Variants in SH3KBP1 observed in about 807,000 individuals in gnomAD.
The protein encoded by SH3KBP1 is SH3 domain-containing kinase-binding protein 1.
Under a neutral mutation model 50.1 loss-of-function variants are expected in SH3KBP1, and 8 were observed. The ratio of observed to expected loss-of-function variants is 0.16; its 90% CI spans 0.09 to 0.29. The LOEUF (loss-of-function observed/expected upper bound fraction) is 0.29, where lower values mean the gene tolerates loss of function less well. Ranked by LOEUF, SH3KBP1 falls within the 10% of genes least tolerant of loss-of-function variation. The pLI is 1.00. For synonymous variants in SH3KBP1, 227 were observed against 218.6 expected, an observed-to-expected ratio of 1.04 and a Z score of -0.34; for missense variants, 377 against 535.2, an observed-to-expected ratio of 0.70 and a Z score of 2.92.
chrX:19,692,402 C>A (rs1319879296), intron 5 of SH3KBP1, among the ~76,000 whole-genome samples: 1 of 110,281 alleles, frequency 9.1e-6, no homozygotes, highest in Non-Finnish European at 1.9e-5. Context: ...AAACACCTAC[C>A]ATGTGTCAAG....
chrX:19,646,487 C>T (rs922022434), intron 6 of SH3KBP1, among the ~76,000 whole-genome samples: 3 of 111,997 alleles, frequency 2.7e-5, no homozygotes, highest in African/African-American at 6.5e-5. Flanking sequence ...ACAGCTGTCA[C>T]GACCACGTAG....
chrX:19,667,124 C>A (rs904729290), intron 6 of SH3KBP1, among the ~76,000 whole-genome samples: 46 of 112,013 alleles, frequency 4.1e-4, no homozygotes, highest in African/African-American at 1.4e-3. Flanking sequence ...CCCCACGAAT[C>A]CACATATGTG....
At chrX:19,778,800 C>T (rs901385872) in intron 2 of SH3KBP1, among the ~76,000 whole-genome samples, 3 of 109,945 alleles carry the variant, frequency 2.7e-5, no homozygotes, top group East Asian at 2.9e-4. Context: ...AGGGCAGAAC[C>T]GACTAGTGGA....
intron 14 of SH3KBP1, among the ~76,000 whole-genome samples, chrX:19,549,357 A>C (rs73631347): frequency 0.05 from 5,557 of 112,054 alleles, 356 homozygotes; most frequent in African/African-American, 0.17. Context: ...TGTAGTTCAA[A>C]TTTGGTACAA....
intron 3 of SH3KBP1, among the ~76,000 whole-genome samples, chrX:19,713,462 A>G (rs1394806615): frequency 2.8e-5 from 3 of 107,248 alleles, no homozygotes; most frequent in Non-Finnish European, 3.8e-5. Flanking sequence ...GGGTCTCGCT[A>G]TGTTGCTTAG....
intron 2 of SH3KBP1, among the ~76,000 whole-genome samples, chrX:19,796,831 CAG>C (rs1387203536): frequency 1.8e-5 from 2 of 112,197 alleles, no homozygotes; most frequent in African/African-American, 3.2e-5. Flanking sequence ...CTGGCCAAGA[CAG>C]AGAAATAGTG....
intron 6 of SH3KBP1, among the ~76,000 whole-genome samples, chrX:19,662,469 A>G (rs944879637): frequency 8.9e-6 from 1 of 112,149 alleles, no homozygotes. Context: ...CAGTATTTGA[A>G]GAAGTATTGA....
At chrX:19,713,977 T>C (rs1016330103) in intron 3 of SH3KBP1, among the ~76,000 whole-genome samples, 26 of 112,154 alleles carry the variant, frequency 2.3e-4, no homozygotes, top group Non-Finnish European at 4.7e-4. Flanking sequence ...GAAACTGTGG[T>C]ACATATACCC....
chrX:19,603,254 C>A (rs1038529604), intron 9 of SH3KBP1, among the ~76,000 whole-genome samples: 4 of 112,298 alleles, frequency 3.6e-5, no homozygotes, highest in African/African-American at 1.3e-4. Flanking sequence ...CAACAAACTC[C>A]TCTTGTTTTG....
intron 2 of SH3KBP1, among the ~76,000 whole-genome samples, chrX:19,754,957 T>C (rs188208001): frequency 5.6e-4 from 63 of 112,713 alleles, no homozygotes; most frequent in Non-Finnish European, 8.1e-4. Context: ...AATTTACTCA[T>C]TTAAAAACTA....
At chrX:19,770,919 C>T (rs906370674) in intron 2 of SH3KBP1, among the ~76,000 whole-genome samples, 3 of 111,558 alleles carry the variant, frequency 2.7e-5, no homozygotes, top group South Asian at 3.7e-4. Flanking sequence ...GTTCCTTACA[C>T]GTGCTGAATA....
At chrX:19,659,702 A>G (rs1316730990) in intron 6 of SH3KBP1, among the ~76,000 whole-genome samples, 1 of 112,903 alleles carries the variant, frequency 8.9e-6, no homozygotes. Flanking sequence ...TTAGTAAGAC[A>G]TATTCAACAA....
At chrX:19,563,466 G>C (rs188323441) in intron 13 of SH3KBP1, among the ~76,000 whole-genome samples, 1 of 111,986 alleles carries the variant, frequency 8.9e-6, no homozygotes, top group Non-Finnish European at 1.9e-5. Flanking sequence ...CTGTAAGTTC[G>C]AGGAAGGAAC....
At position 19,792,766 on chromosome X, in the gene SH3KBP1, G is replaced by A. The variant is rs944754782; in HGVS notation, c.162+43359C>T. ...CGCTTTCCTTTGTTGTCACGACTTG[G>A]AGGGATCTGGCGGGGGCGGGGGGTG... On this transcript the variant is annotated intron_variant, in intron 2 of 17. Coordinates refer to ENST00000397821, the MANE Select transcript of SH3KBP1 (RefSeq NM_031892.3). Among the ~76,000 whole-genome samples the A allele has an allele frequency of 3.3e-5, 3 of 89,758 alleles. No homozygotes were observed. In the Admixed American group the frequency reaches 3.7e-4, roughly 11 times the overall value. The allele number at this position is 89,758 out of a possible 115,157, so 77.9% of individuals were successfully genotyped here.
At chrX:19,796,792 A>T (rs1171872408) in intron 2 of SH3KBP1, among the ~76,000 whole-genome samples, 3 of 112,362 alleles carry the variant, frequency 2.7e-5, no homozygotes, top group Non-Finnish European at 5.6e-5. Flanking sequence ...TGCTTAAAAC[A>T]GAGGGTTATC....
At chrX:19,884,147 G>T (rs923610586) in intron 1 of SH3KBP1, among the ~76,000 whole-genome samples, 5 of 112,241 alleles carry the variant, frequency 4.5e-5, no homozygotes, top group Non-Finnish European at 9.4e-5. Context: ...CACTCTCCAG[G>T]CTAAGTCAGA....
intron 4 of SH3KBP1, among the ~76,000 whole-genome samples, chrX:19,703,976 G>A (rs1225740312): frequency 9.1e-6 from 1 of 109,918 alleles, no homozygotes; most frequent in African/African-American, 3.3e-5. Context: ...GCTACATTTA[G>A]CATTTATATA....
chrX:19,662,084 T>C (rs767233322), intron 6 of SH3KBP1, among the ~76,000 whole-genome samples: 1 of 111,895 alleles, frequency 8.9e-6, no homozygotes, highest in Non-Finnish European at 1.9e-5. Context: ...TGTCATTATA[T>C]TTCCTTCTCC....
At chrX:19,720,561 G>A (rs1366549631) in intron 3 of SH3KBP1, among the ~76,000 whole-genome samples, 2 of 111,811 alleles carry the variant, frequency 1.8e-5, no homozygotes, top group Non-Finnish European at 3.8e-5. Flanking sequence ...ATTGAAGGAA[G>A]GTTCTAAATG....
Sources: gnomAD v4.1 joint callset for allele counts (sites outside exome capture counted in the v4.1 genomes callset) on GRCh38, gnomAD v4.1.1 for gene constraint, MANE v1.5 for transcripts, NCBI Gene and HGNC (gene_info 2026-07-23, HGNC 2026-07-21) for gene names.